SUGCT: variants seen among roughly 807,000 people sequenced by gnomAD.
The protein encoded by SUGCT is succinyl-CoA:glutarate-CoA transferase.
Under a neutral mutation model 55.0 loss-of-function variants are expected in SUGCT, and 41 were observed. That is an observed-to-expected ratio of 0.74 (90% CI 0.58 to 0.97). SUGCT has a LOEUF of 0.97. Ranked by LOEUF, SUGCT falls within the 50% of genes least tolerant of loss-of-function variation. SUGCT has a pLI of 0.00. For missense variants in SUGCT, 568 were observed against 547.8 expected (o/e 1.04, Z -0.37); for synonymous variants, 187 against 200.4 (o/e 0.93, Z 0.56).
chr7:40,611,861 T>C (rs1245442930), intron 12 of SUGCT, among the ~76,000 whole-genome samples: 1 of 152,210 alleles, frequency 6.6e-6, no homozygotes, highest in African/African-American at 2.4e-5. Flanking sequence ...ACACAGCCAT[T>C]GAGTAGAACA....
At chr7:40,915,903 G>T in the SUGCT span, among the ~76,000 whole-genome samples, 1 of 152,072 alleles carries the variant, frequency 6.6e-6, no homozygotes, top group East Asian at 1.9e-4. Flanking sequence ...ATTGTATATT[G>T]GGCATGTTGG....
the SUGCT span, among the ~76,000 whole-genome samples, chr7:40,900,615 A>G: frequency 1.3e-5 from 2 of 152,196 alleles, no homozygotes; most frequent in African/African-American, 4.8e-5. Context: ...GGGGAGTGTC[A>G]ATAGCTAGTG....
intron 6 of SUGCT, among the ~76,000 whole-genome samples, chr7:40,233,879 A>G (rs1307517894): frequency 6.6e-6 from 1 of 151,206 alleles, no homozygotes; most frequent in Non-Finnish European, 1.5e-5. Context: ...GATTGAATGA[A>G]TTGTCAAAGA....
chr7:40,527,116 G>C (rs1793841266), intron 12 of SUGCT, among the ~76,000 whole-genome samples: 1 of 152,110 alleles, frequency 6.6e-6, no homozygotes, highest in South Asian at 2.1e-4. Flanking sequence ...TAAACTACTT[G>C]GAACTCTAGC....
chr7:40,534,143 C>G (rs2151601398), intron 12 of SUGCT, among the ~76,000 whole-genome samples: 1 of 152,104 alleles, frequency 6.6e-6, no homozygotes, highest in East Asian at 1.9e-4. Flanking sequence ...GATGATCTTA[C>G]TATGTTCTCT....
At chr7:40,138,467 G>T (rs556243840) in intron 1 of SUGCT, among the ~76,000 whole-genome samples, 1 of 152,290 alleles carries the variant, frequency 6.6e-6, no homozygotes, top group Non-Finnish European at 1.5e-5. Context: ...ATGAGTGCAG[G>T]TGTCTTTTTG....
intron 12 of SUGCT, among the ~76,000 whole-genome samples, chr7:40,581,450 G>A (rs1797086269): frequency 6.6e-6 from 1 of 152,090 alleles, no homozygotes; most frequent in South Asian, 2.1e-4. Context: ...CAAAACTAAA[G>A]GCAGAAGAGG....
At chr7:41,014,264 G>T in the SUGCT span, among the ~76,000 whole-genome samples, 13 of 152,082 alleles carry the variant, frequency 8.5e-5, no homozygotes, top group South Asian at 2.1e-4. Flanking sequence ...TGTATGTGTG[G>T]CTGTGTGTGT....
At chr7:40,396,243 G>T (rs1412413978) in intron 9 of SUGCT, among the ~76,000 whole-genome samples, 1 of 152,066 alleles carries the variant, frequency 6.6e-6, no homozygotes, top group Non-Finnish European at 1.5e-5. Flanking sequence ...CTCTGACATG[G>T]GGAAGTCAAA....
chr7:41,028,645 T>A, the SUGCT span, among the ~76,000 whole-genome samples: 1 of 152,220 alleles, frequency 6.6e-6, no homozygotes, highest in Admixed American at 6.5e-5. Flanking sequence ...CATTTTTGTA[T>A]ATAAACATAG....
At chr7:40,168,648 T>C (rs904779879) in intron 1 of SUGCT, among the ~76,000 whole-genome samples, 7 of 152,224 alleles carry the variant, frequency 4.6e-5, no homozygotes, top group African/African-American at 1.7e-4. Context: ...GGCCATCTGA[T>C]GGGTGCTATC....
the SUGCT span, among the ~76,000 whole-genome samples, chr7:40,927,541 T>G: frequency 6.6e-6 from 1 of 152,334 alleles, no homozygotes; most frequent in South Asian, 2.1e-4. Context: ...AGGAAATACT[T>G]CAGACCTGGG....
At chr7:40,750,730 AT>A (rs1787967170) in intron 13 of SUGCT, among the ~76,000 whole-genome samples, 1 of 152,204 alleles carries the variant, frequency 6.6e-6, no homozygotes, top group Non-Finnish European at 1.5e-5. Flanking sequence ...AATATTATGC[AT>A]GGATTAAGGA....
intron 7 of SUGCT, among the ~76,000 whole-genome samples, chr7:40,246,924 C>G (rs1789923030): frequency 6.6e-6 from 1 of 152,098 alleles, no homozygotes; most frequent in Non-Finnish European, 1.5e-5. Flanking sequence ...AATGTTCATT[C>G]AATTTTGTGT....
At chr7:40,378,025 T>G (rs1194523611) in intron 9 of SUGCT, among the ~76,000 whole-genome samples, 2 of 152,228 alleles carry the variant, frequency 1.3e-5, no homozygotes, top group Non-Finnish European at 2.9e-5. Flanking sequence ...GGATTCTCTC[T>G]TTGCCTTTGG....
At chr7:40,264,070 T>C (rs891956139) in intron 7 of SUGCT, among the ~76,000 whole-genome samples, 1 of 152,202 alleles carries the variant, frequency 6.6e-6, no homozygotes, top group Non-Finnish European at 1.5e-5. Context: ...AGCCTAAATT[T>C]AGTGCTTTGT....
At chr7:40,837,177 C>G (rs371764161) in intron 13 of SUGCT, among the ~76,000 whole-genome samples, 21 of 152,184 alleles carry the variant, frequency 1.4e-4, no homozygotes, top group East Asian at 1.4e-3. Context: ...ATTATAATTC[C>G]TGAATGGCTA....
intron 9 of SUGCT, among the ~76,000 whole-genome samples, chr7:40,333,454 T>C (rs1198640723): frequency 5.3e-5 from 8 of 150,572 alleles, no homozygotes; most frequent in Admixed American, 1.3e-4. Flanking sequence ...CTGGCCAACA[T>C]GGCGAAACCA....
At chr7:40,311,106 C>T (rs1023462567) in intron 8 of SUGCT, among the ~76,000 whole-genome samples, 1 of 152,112 alleles carries the variant, frequency 6.6e-6, no homozygotes, top group Non-Finnish European at 1.5e-5. Flanking sequence ...CATAGTTTAC[C>T]CAGATATTCA....
Sources: allele counts gnomAD v4.1 joint callset (sites outside exome capture counted in the v4.1 genomes callset), GRCh38; gene constraint gnomAD v4.1.1; transcripts MANE v1.5; gene names NCBI Gene and HGNC (gene_info 2026-07-23, HGNC 2026-07-21).